FAM133B: variants seen among roughly 807,000 people sequenced by gnomAD.
FAM133B encodes the protein family with sequence similarity 133 member B.
Under a neutral mutation model 46.4 loss-of-function variants are expected in FAM133B, and 25 were observed. The observed-to-expected ratio is 0.54, with a 90% CI of 0.39 to 0.75. The LOEUF is 0.75. Among genes scored for constraint, FAM133B ranks in the 30% least tolerant of loss-of-function variants. The probability of loss-of-function intolerance (pLI) is 0.00; values close to 1 mark genes in which losing one functional copy is unlikely to be tolerated. For synonymous variants in FAM133B, 75 were observed against 86.0 expected (o/e 0.87, Z 0.71); for missense variants, 205 against 277.6 (o/e 0.74, Z 1.86).
At chr7:92,568,512 C>A (rs1470566261) in intron 9 of FAM133B, among the ~76,000 whole-genome samples, 1 of 150,528 alleles carries the variant, frequency 6.6e-6, no homozygotes, top group East Asian at 2.0e-4. Context: ...CACCTGCCAC[C>A]ACGCCTGGCT....
At chr7:92,571,855 T>C (rs1030777778) in intron 8 of FAM133B, among the ~76,000 whole-genome samples, 3 of 152,230 alleles carry the variant, frequency 2.0e-5, no homozygotes, top group African/African-American at 7.2e-5. Context: ...TGACTCTCCA[T>C]TTATTCAATC....
Position 92,581,496 on chromosome 7 carries a change from T to C in FAM133B, c.122+10A>G. The C allele has an allele frequency of 6.2e-7, 1 of 1,607,194 alleles. No individual in the cohort carries two copies. The highest frequency in any genetic ancestry group is 2.2e-5 in the East Asian group (1 of 44,828). On this transcript the variant is annotated intron_variant, in intron 2 of 10. Coordinates refer to ENST00000445716, the MANE Select transcript of FAM133B (RefSeq NM_152789.4). ...AAAGCTTATAAATAGGTAAAGTGTT[T>C]CACAAATACCAGGTAGGCCTTGGTC...
intron 9 of FAM133B, among the ~76,000 whole-genome samples, chr7:92,567,812 G>A (rs1018245994): frequency 2.6e-5 from 4 of 151,890 alleles, no homozygotes; most frequent in African/African-American, 9.7e-5. Context: ...TGCCCAGGAT[G>A]GAGTGCAGTG....
Position 92,578,318 on chromosome 7 carries a change from CCTGT to C in FAM133B, c.273_276del (p.Gln92GlufsTer66). 1 of 1,613,098 alleles carries C rather than the reference CCTGT, an allele frequency of 6.2e-7. No homozygotes were observed. The highest frequency in any genetic ancestry group is 8.5e-7 in the Non-Finnish European group (1 of 1,179,354). On this transcript the variant is annotated frameshift_variant and splice_region_variant, in exon 4 of 11. Coordinates refer to ENST00000445716, the MANE Select transcript of FAM133B (RefSeq NM_152789.4). LOFTEE classifies it high-confidence loss of function. ...TAGCAATAAACTAAAAGTGGTATTA[CCTGT>C]CTTTTTTTGGATGAGCTCTCACTTC...
chr7:92,566,089 C>G (rs1562888621), intron 9 of FAM133B, 28 bp from the exon 10 acceptor site: 1 of 1,610,246 alleles, frequency 6.2e-7, no homozygotes, highest in Non-Finnish European at 8.5e-7. Flanking sequence ...TTGTGGAGAA[C>G]AGAAGACAAA....
At chr7:92,566,445 G>A (rs1794352039) in intron 9 of FAM133B, among the ~76,000 whole-genome samples, 1 of 151,104 alleles carries the variant, frequency 6.6e-6, no homozygotes, top group Non-Finnish European at 1.5e-5. Flanking sequence ...GCAACATAGT[G>A]AGAGCTCCCC....
chr7:92,565,500 G>T (rs1243125746), intron 10 of FAM133B: 1 of 151,596 alleles, frequency 6.6e-6, no homozygotes, highest in African/African-American at 2.5e-5. Context: ...GTCGCACTCT[G>T]TCGCCCAGGC....
At chr7:92,571,093 A>C (rs963323911) in intron 8 of FAM133B, among the ~76,000 whole-genome samples, 3 of 152,196 alleles carry the variant, frequency 2.0e-5, no homozygotes, top group Admixed American at 1.3e-4. Context: ...TTGCTATTAA[A>C]AACAAAGTTG....
chr7:92,564,402 A>G (rs1585294207), intron 10 of FAM133B, among the ~76,000 whole-genome samples: 1 of 152,210 alleles, frequency 6.6e-6, no homozygotes, highest in Admixed American at 6.5e-5. Context: ...TGCTTCATAC[A>G]TACACACTAG....
At chr7:92,577,932 T>A in intron 5 of FAM133B, 1 of 653,006 alleles carries the variant, frequency 1.5e-6, no homozygotes, top group Non-Finnish European at 2.6e-6. Context: ...TCTTTCTCTT[T>A]AAATAGCAAC....
intron 10 of FAM133B, chr7:92,565,554 C>T (rs1273320352): frequency 1.9e-5 from 3 of 160,380 alleles, no homozygotes; most frequent in African/African-American, 4.8e-5. Flanking sequence ...AGCTCTGCCT[C>T]CCGGGTTCAC....
chr7:92,574,831 G>T (rs1325904121), intron 8 of FAM133B, among the ~76,000 whole-genome samples: 1 of 151,608 alleles, frequency 6.6e-6, no homozygotes, highest in Admixed American at 6.6e-5. Flanking sequence ...CATGAACCCG[G>T]GAAGCGGAGC....
chr7:92,572,943 AAAG>A (rs1444204039), intron 8 of FAM133B, among the ~76,000 whole-genome samples: 1 of 152,200 alleles, frequency 6.6e-6, no homozygotes, highest in African/African-American at 2.4e-5. Context: ...TGCTGAATGA[AAAG>A]AAACAAGTTT....
intron 1 of FAM133B, among the ~76,000 whole-genome samples, chr7:92,583,649 G>A (rs1794953151): frequency 2.0e-5 from 3 of 152,006 alleles, no homozygotes; most frequent in Admixed American, 1.3e-4. Flanking sequence ...AATTCGCATT[G>A]CTACTGATAT....
intron 1 of FAM133B, among the ~76,000 whole-genome samples, chr7:92,587,293 T>A (rs1795061976): frequency 6.6e-6 from 1 of 152,218 alleles, no homozygotes; most frequent in Admixed American, 6.5e-5. Context: ...GCCAATATTT[T>A]CACAAGCAAA....
At chr7:92,563,209 T>C (rs1287750527) in intron 10 of FAM133B, among the ~76,000 whole-genome samples, 2 of 152,212 alleles carry the variant, frequency 1.3e-5, no homozygotes, top group Non-Finnish European at 2.9e-5. Context: ...ATCCATTTCC[T>C]ATCTATCAGC....
At chr7:92,574,358 C>A (rs1215970832) in intron 8 of FAM133B, among the ~76,000 whole-genome samples, 1 of 152,002 alleles carries the variant, frequency 6.6e-6, no homozygotes, top group Non-Finnish European at 1.5e-5. Context: ...TATGATAAAT[C>A]CAGAATAGGC....
intron 1 of FAM133B, among the ~76,000 whole-genome samples, chr7:92,588,976 A>C (rs1428916687): frequency 1.3e-5 from 2 of 152,164 alleles, no homozygotes; most frequent in Non-Finnish European, 2.9e-5. Context: ...TTCTTTATAA[A>C]TTACCCAGCC....
intron 2 of FAM133B, among the ~76,000 whole-genome samples, chr7:92,581,199 A>T (rs1202010397): frequency 6.6e-6 from 1 of 152,244 alleles, no homozygotes; most frequent in East Asian, 1.9e-4. Context: ...AAAGGACAAG[A>T]CTACTTAAAC....
Sources: allele counts gnomAD v4.1 joint callset (sites outside exome capture counted in the v4.1 genomes callset), GRCh38; gene constraint gnomAD v4.1.1; transcripts MANE v1.5; gene names NCBI Gene and HGNC (gene_info 2026-07-23, HGNC 2026-07-21).